SFMBT1: variants seen among roughly 807,000 people sequenced by gnomAD.
SFMBT1 encodes scm-like with four MBT domains protein 1.
SFMBT1 carries 32 observed loss-of-function variants against 108.7 expected under a neutral mutation model. The ratio of observed to expected loss-of-function variants is 0.29; its 90% CI spans 0.22 to 0.40. The LOEUF is 0.40. Ranked by LOEUF, SFMBT1 falls within the 10% of genes least tolerant of loss-of-function variation. The pLI, the probability that SFMBT1 is intolerant of heterozygous loss-of-function variation, is 1.00. For missense variants in SFMBT1, 816 were observed against 1,059.6 expected, an observed-to-expected ratio of 0.77 and a Z score of 3.19; for synonymous variants, 348 against 369.5, an observed-to-expected ratio of 0.94 and a Z score of 0.67.
chr3:53,021,352 T>C (rs1469383087), intron 1 of SFMBT1, among the ~76,000 whole-genome samples: 2 of 152,212 alleles, frequency 1.3e-5, no homozygotes, highest in South Asian at 2.1e-4. Context: ...CTACCCTCAT[T>C]AGAAAATGTC....
chr3:52,964,019 G>C (rs1384443853), intron 2 of SFMBT1, among the ~76,000 whole-genome samples: 1 of 151,980 alleles, frequency 6.6e-6, no homozygotes, highest in Non-Finnish European at 1.5e-5. Flanking sequence ...ATTTTTGTTT[G>C]TTTGTTTTGT....
At chr3:52,966,194 G>C (rs1433041140) in intron 2 of SFMBT1, among the ~76,000 whole-genome samples, 2 of 148,924 alleles carry the variant, frequency 1.3e-5, no homozygotes. Context: ...GCGGGCGCCT[G>C]TAGTCCCAGC....
intron 12 of SFMBT1, 109 bp downstream of exon 12, chr3:52,920,428 C>G (rs994822754): frequency 1.3e-6 from 1 of 773,566 alleles, no homozygotes; most frequent in Non-Finnish European, 2.2e-6. Context: ...GAACAGAGAA[C>G]CAGAATGTCA....
Position 52,907,532 on chromosome 3 carries a change from C to T in SFMBT1, c.2085+23G>A, listed in dbSNP as rs777822065. 13 of 1,602,684 alleles carry T rather than the reference C, an allele frequency of 8.1e-6. 1 individual carries two copies. In the South Asian group the frequency reaches 1.1e-4, roughly 14 times the overall value. ...GTGGTCACTTGGCTTCAAGACATTA[C>T]AGGCACATCACAGATCTCATACCTG... On this transcript the variant is annotated intron_variant, in intron 18 of 20. Coordinates refer to ENST00000394752, the MANE Select transcript of SFMBT1 (RefSeq NM_016329.4).
chr3:52,928,065 C>A (rs1007688953), intron 9 of SFMBT1, 126 bp downstream of exon 9: 3 of 1,216,228 alleles, frequency 2.5e-6, no homozygotes, highest in African/African-American at 3.1e-5. Flanking sequence ...TTTCTCAGAC[C>A]CCAAAAACGT....
intron 4 of SFMBT1, among the ~76,000 whole-genome samples, chr3:52,935,209 A>G (rs1456395958): frequency 6.6e-6 from 1 of 152,226 alleles, no homozygotes; most frequent in African/African-American, 2.4e-5. Context: ...CAAACATACA[A>G]AAAGAAAAAT....
intron 3 of SFMBT1, among the ~76,000 whole-genome samples, chr3:52,950,131 T>C (rs980432111): frequency 2.6e-5 from 4 of 152,186 alleles, no homozygotes; most frequent in African/African-American, 9.6e-5. Context: ...ATATCTACCA[T>C]ATATGTTAGT....
chr3:52,955,681 A>G (rs1183198615), intron 2 of SFMBT1, among the ~76,000 whole-genome samples: 3 of 152,196 alleles, frequency 2.0e-5, no homozygotes, highest in Admixed American at 6.5e-5. Context: ...GAATAGACCA[A>G]TAATGAGTTC....
At chr3:52,940,590 A>T (rs147156009) in intron 4 of SFMBT1, among the ~76,000 whole-genome samples, 3 of 152,344 alleles carry the variant, frequency 2.0e-5, no homozygotes, top group African/African-American at 7.2e-5. Flanking sequence ...TTTCTATAGT[A>T]TAGTAGAAAG....
intron 2 of SFMBT1, among the ~76,000 whole-genome samples, chr3:52,966,442 A>G (rs1227075248): frequency 4.1e-5 from 6 of 144,598 alleles, no homozygotes; most frequent in Admixed American, 2.1e-4. Context: ...TGGCTAACAC[A>G]GTGAAACCCC....
chr3:52,925,344 AAGAC>A (rs1351613462), intron 10 of SFMBT1, among the ~76,000 whole-genome samples: 11 of 152,252 alleles, frequency 7.2e-5, no homozygotes, highest in Non-Finnish European at 1.2e-4. Flanking sequence ...AGAATGTGGT[AAGAC>A]AGAGAGGAAA....
chr3:52,972,457 A>G (rs1704377220), intron 1 of SFMBT1, among the ~76,000 whole-genome samples: 1 of 152,208 alleles, frequency 6.6e-6, no homozygotes, highest in South Asian at 2.1e-4. Flanking sequence ...CATGCAGTAA[A>G]GAAAAAACGG....
intron 4 of SFMBT1, among the ~76,000 whole-genome samples, chr3:52,938,391 G>T (rs776259533): frequency 6.6e-6 from 1 of 151,968 alleles, no homozygotes; most frequent in Non-Finnish European, 1.5e-5. Context: ...TACACATATA[G>T]TTTCTCTTTC....
intron 2 of SFMBT1, among the ~76,000 whole-genome samples, chr3:52,964,774 G>A (rs1050240848): frequency 4.6e-5 from 7 of 152,128 alleles, no homozygotes; most frequent in African/African-American, 1.7e-4. Context: ...GGTACATGAC[G>A]TCACATCAGA....
chr3:52,914,972 A>C (rs1017932750), intron 14 of SFMBT1, among the ~76,000 whole-genome samples: 7 of 152,106 alleles, frequency 4.6e-5, no homozygotes, highest in African/African-American at 1.4e-4. Flanking sequence ...GCCCCTTGTG[A>C]GGTGGGGAGG....
At chr3:53,035,889 G>A (rs562874608) in intron 1 of SFMBT1, among the ~76,000 whole-genome samples, 8 of 152,288 alleles carry the variant, frequency 5.3e-5, no homozygotes, top group African/African-American at 1.4e-4. Flanking sequence ...AACCGCACCC[G>A]GCCAGAGACG....
intron 1 of SFMBT1, among the ~76,000 whole-genome samples, chr3:52,998,939 C>T (rs1698438991): frequency 1.3e-5 from 2 of 150,772 alleles, no homozygotes; most frequent in Admixed American, 1.3e-4. Flanking sequence ...TGCCGGCCAC[C>T]GACCACCATG....
chr3:52,933,709 GA>G (rs1387208973), intron 5 of SFMBT1, among the ~76,000 whole-genome samples: 1 of 152,146 alleles, frequency 6.6e-6, no homozygotes, highest in Non-Finnish European at 1.5e-5. Context: ...AAACCAGTTT[GA>G]AATAGAGTAT....
At chr3:52,929,317 G>A (rs1702785674) in intron 8 of SFMBT1, among the ~76,000 whole-genome samples, 2 of 152,038 alleles carry the variant, frequency 1.3e-5, no homozygotes, top group African/African-American at 2.4e-5. Flanking sequence ...TTGGCTCACC[G>A]TAACCTCCGC....
Sources: gnomAD v4.1 joint callset for allele counts (sites outside exome capture counted in the v4.1 genomes callset) on GRCh38, gnomAD v4.1.1 for gene constraint, MANE v1.5 for transcripts, NCBI Gene and HGNC (gene_info 2026-07-23, HGNC 2026-07-21) for gene names.